The following CDKL3 variants were observed in gnomAD, a reference collection of about 807,000 sequenced individuals.
CDKL3 encodes cyclin dependent kinase like 3, also known as cyclin-dependent kinase-like 3.
A neutral mutation model predicts 69.3 loss-of-function variants in CDKL3; 65 were observed. The ratio of observed to expected loss-of-function variants is 0.94; its 90% CI spans 0.77 to 1.15. The LOEUF (loss-of-function observed/expected upper bound fraction) is 1.15. CDKL3 is among the 50% of genes most tolerant of loss of function. CDKL3 has a pLI of 0.00. For missense variants in CDKL3, 652 were observed against 689.2 expected, an observed-to-expected ratio of 0.95 and a Z score of 0.61; for synonymous variants, 202 against 221.6, an observed-to-expected ratio of 0.91 and a Z score of 0.79.
intron 7 of CDKL3, among the ~76,000 whole-genome samples, chr5:134,310,334 C>T (rs1403531234): frequency 1.3e-5 from 2 of 151,558 alleles, no homozygotes; most frequent in Non-Finnish European, 1.5e-5. Context: ...TACAGGGGCC[C>T]GCCACCACAC....
At chr5:134,285,918 T>C (rs1480256376), downstream of CDKL3, among the ~76,000 whole-genome samples, 1 of 152,050 alleles carries the variant, frequency 6.6e-6, no homozygotes, top group Non-Finnish European at 1.5e-5. Flanking sequence ...GGTCAAGAGA[T>C]TGAGACCATC....
chr5:134,360,365 C>T (rs561365808), intron 2 of CDKL3, among the ~76,000 whole-genome samples: 86 of 152,228 alleles, frequency 5.6e-4, no homozygotes, highest in African/African-American at 2.0e-3. Context: ...CCACCATGCC[C>T]AGCTCATTTT....
At chr5:134,294,989 T>C (rs1765282905), downstream of CDKL3, among the ~76,000 whole-genome samples, 1 of 151,352 alleles carries the variant, frequency 6.6e-6, no homozygotes, top group East Asian at 1.9e-4. Flanking sequence ...TGCTCGTGAA[T>C]TGGAAGACTT....
chr5:134,366,708 A>T (rs1015443370), intron 1 of CDKL3, among the ~76,000 whole-genome samples, 164 bp from the exon 2 acceptor site: 55 of 151,964 alleles, frequency 3.6e-4, no homozygotes, highest in African/African-American at 1.3e-3. Flanking sequence ...TTTGGGAACT[A>T]AAGACAGCTT....
downstream of CDKL3, among the ~76,000 whole-genome samples, chr5:134,295,124 C>A (rs1472926245): frequency 6.8e-6 from 1 of 146,856 alleles, no homozygotes; most frequent in Non-Finnish European, 1.5e-5. Context: ...AAGCAATTAT[C>A]CTGCCTCAGC....
intron 4 of CDKL3, among the ~76,000 whole-genome samples, chr5:134,339,872 G>A (rs1750024156): frequency 6.6e-6 from 1 of 152,254 alleles, no homozygotes; most frequent in Non-Finnish European, 1.5e-5. Context: ...CTTTGAGGCT[G>A]GGCACAGTAG....
chr5:134,365,623 C>T (rs896295990), intron 2 of CDKL3, among the ~76,000 whole-genome samples: 5 of 152,158 alleles, frequency 3.3e-5, no homozygotes, highest in Non-Finnish European at 7.3e-5. Context: ...ACACTGAATT[C>T]AAAACCTTCA....
At chr5:134,368,566 C>G (rs1474240270), upstream of CDKL3, among the ~76,000 whole-genome samples, 1 of 129,966 alleles carries the variant, frequency 7.7e-6, no homozygotes, top group African/African-American at 2.9e-5. Flanking sequence ...TTGCAGTGAG[C>G]GGAGATCGCA....
At chr5:134,300,409 G>A (rs1354204313) in intron 12 of CDKL3, among the ~76,000 whole-genome samples, 2 of 152,014 alleles carry the variant, frequency 1.3e-5, no homozygotes, top group Non-Finnish European at 1.5e-5. Context: ...TGTATAATTC[G>A]AAAACCAAGT....
downstream of CDKL3, among the ~76,000 whole-genome samples, chr5:134,297,301 G>A (rs1052391967): frequency 1.3e-5 from 2 of 152,242 alleles, no homozygotes; most frequent in Non-Finnish European, 2.9e-5. Flanking sequence ...TGTCATGCAA[G>A]CTGAGCCCTA....
intron 4 of CDKL3, among the ~76,000 whole-genome samples, chr5:134,338,485 T>C (rs1197736205): frequency 6.7e-6 from 1 of 149,766 alleles, no homozygotes; most frequent in African/African-American, 2.5e-5. Context: ...AGGCCAGGAG[T>C]TCGAGACCAG....
At chr5:134,313,007 T>A (rs1286894090) in intron 6 of CDKL3, among the ~76,000 whole-genome samples, 6 of 152,216 alleles carry the variant, frequency 3.9e-5, no homozygotes, top group Admixed American at 2.6e-4. Context: ...ATTTCTTTAA[T>A]CAAAATACTG....
intron 8 of CDKL3, among the ~76,000 whole-genome samples, chr5:134,287,526 C>A (rs1764922511): frequency 6.6e-6 from 1 of 152,178 alleles, no homozygotes; most frequent in African/African-American, 2.4e-5. Context: ...CCAAGACTCC[C>A]AATCATCACA....
At chr5:134,289,049 C>T (rs1351017505) in intron 8 of CDKL3, among the ~76,000 whole-genome samples, 1 of 149,962 alleles carries the variant, frequency 6.7e-6, no homozygotes, top group Non-Finnish European at 1.5e-5. Flanking sequence ...GTACTCCCAA[C>T]TATTCAGGAG....
upstream of CDKL3, among the ~76,000 whole-genome samples, chr5:134,369,998 T>C (rs1255481260): frequency 6.6e-6 from 1 of 152,184 alleles, no homozygotes; most frequent in African/African-American, 2.4e-5. Flanking sequence ...AAAAAACACA[T>C]TGCGAATGTC....
intron 4 of CDKL3, among the ~76,000 whole-genome samples, chr5:134,338,100 G>A (rs932292970): frequency 1.3e-5 from 2 of 152,106 alleles, no homozygotes; most frequent in African/African-American, 4.8e-5. Context: ...AATGTAATAT[G>A]TGTAATATAT....
At position 134,339,770 on chromosome 5, in the gene CDKL3, T is replaced by C. The variant is rs149621326; in HGVS notation, c.539+10479A>G. Among the ~76,000 whole-genome samples the C allele has an allele frequency of 2.4e-4, 36 of 152,248 alleles. No individual in the cohort carries two copies. The East Asian group carries it at 5.4e-3, about 23-fold the overall frequency. ...AATTAAATATTAATTGCAGGAAAAATTTTGGAAATTTACAAATATGTGGAT... is the reference window on the plus strand; with the variant it reads ...AATTAAATATTAATTGCAGGAAAAACTTTGGAAATTTACAAATATGTGGAT... On this transcript the variant is annotated intron_variant, in intron 4 of 12. Transcript: ENST00000265334.
chr5:134,305,025 C>A (rs1767415560), intron 10 of CDKL3, among the ~76,000 whole-genome samples: 1 of 151,542 alleles, frequency 6.6e-6, no homozygotes, highest in Non-Finnish European at 1.5e-5. Flanking sequence ...CTAGGCTGAT[C>A]TCAAACTCCT....
At chr5:134,343,617 G>T (rs1255266617) in intron 4 of CDKL3, among the ~76,000 whole-genome samples, 1 of 152,194 alleles carries the variant, frequency 6.6e-6, no homozygotes, top group East Asian at 1.9e-4. Flanking sequence ...CCTAAGATCA[G>T]TGCTTGAGAT....
Sources: allele counts gnomAD v4.1 joint callset (sites outside exome capture counted in the v4.1 genomes callset), GRCh38; gene constraint gnomAD v4.1.1; transcripts MANE v1.5; gene names NCBI Gene and HGNC (gene_info 2026-07-23, HGNC 2026-07-21).